The following NRXN1 variants were observed in gnomAD, a reference collection of about 807,000 sequenced individuals.
NRXN1 encodes the protein neurexin 1.
In NRXN1, 39 loss-of-function variants were observed where a neutral mutation model predicts 150.9. The ratio of observed to expected loss-of-function variants is 0.26; its 90% CI spans 0.20 to 0.34. The LOEUF is 0.34. Among genes scored for constraint, NRXN1 ranks in the 10% least tolerant of loss-of-function variants. NRXN1 has a pLI of 1.00. For synonymous variants in NRXN1, 924 were observed against 757.0 expected (o/e 1.22, Z -3.62); for missense variants, 1,815 against 1,949.9 (o/e 0.93, Z 1.30).
intron 22 of NRXN1, among the ~76,000 whole-genome samples, chr2:49,942,312 C>G (rs538327201): frequency 3.7e-4 from 57 of 152,302 alleles, no homozygotes; most frequent in Non-Finnish European, 1.3e-4. Context: ...GCTCTTCCCC[C>G]TCCCTGGCAC....
chr2:50,241,568 G>A (rs1028021582), intron 17 of NRXN1, among the ~76,000 whole-genome samples: 2 of 151,766 alleles, frequency 1.3e-5, no homozygotes, highest in African/African-American at 2.4e-5. Flanking sequence ...TTTAAGCTGT[G>A]CAGCAAGCCT....
At chr2:50,080,188 A>G (rs965147235) in intron 19 of NRXN1, among the ~76,000 whole-genome samples, 1 of 152,114 alleles carries the variant, frequency 6.6e-6, no homozygotes, top group African/African-American at 2.4e-5. Context: ...TGAGTATAGT[A>G]CAATAAGAAA....
chr2:49,958,801 AG>A (rs1675423554), intron 21 of NRXN1, among the ~76,000 whole-genome samples: 1 of 152,180 alleles, frequency 6.6e-6, no homozygotes, highest in African/African-American at 2.4e-5. Context: ...AGCTCAATCT[AG>A]CTTTTGTCTT....
At chr2:50,859,838 T>G (rs986857570) in intron 5 of NRXN1, among the ~76,000 whole-genome samples, 8 of 147,574 alleles carry the variant, frequency 5.4e-5, no homozygotes, top group Admixed American at 2.0e-4. Flanking sequence ...ACAATTATGT[T>G]TGTGTGTGTG....
chr2:50,644,012 TTTTG>T (rs981108998), intron 5 of NRXN1, among the ~76,000 whole-genome samples: 3 of 151,930 alleles, frequency 2.0e-5, no homozygotes, highest in East Asian at 1.9e-4. Context: ...TGTTGGTTTT[TTTTG>T]TTTGTTTGTT....
chr2:50,310,430 C>A (rs1269743732), intron 17 of NRXN1, among the ~76,000 whole-genome samples: 6 of 152,068 alleles, frequency 3.9e-5, no homozygotes, highest in African/African-American at 9.7e-5. Context: ...ATCCTTTGTG[C>A]CCAGGGCTGC....
chr2:50,448,824 C>T (rs1250014283), intron 17 of NRXN1, among the ~76,000 whole-genome samples: 4 of 152,092 alleles, frequency 2.6e-5, no homozygotes, highest in Admixed American at 2.6e-4. Flanking sequence ...TGAACAGAAG[C>T]ACGTGGCTCC....
chr2:50,759,129 A>T lies in NRXN1; in HGVS notation c.833-135514T>A, dbSNP rs372940425. On this transcript the variant is annotated intron_variant, in intron 5 of 22. Transcript: ENST00000401669. Reference sequence around the variant, plus strand: ...ACTAAACTGGAAAAGAATTTTAAACATTTCTTGTAATAAATAAATCACCTT... The same window carrying T: ...ACTAAACTGGAAAAGAATTTTAAACTTTTCTTGTAATAAATAAATCACCTT... Among the ~76,000 whole-genome samples, 6 of 152,100 alleles carry T rather than the reference A, an allele frequency of 3.9e-5. No individual in the cohort carries two copies. The South Asian group carries it at 8.3e-4, about 21-fold the overall frequency.
chr2:50,720,458 G>T (rs17040978), intron 5 of NRXN1, among the ~76,000 whole-genome samples: 1 of 152,024 alleles, frequency 6.6e-6, no homozygotes, highest in Admixed American at 6.6e-5. Context: ...CTTAAGGGGC[G>T]CCTCCCCAGC....
intron 2 of NRXN1, among the ~76,000 whole-genome samples, chr2:50,959,121 G>T (rs577794411): frequency 6.6e-6 from 1 of 152,006 alleles, no homozygotes; most frequent in African/African-American, 2.4e-5. Context: ...GTGAAAATGT[G>T]GAAAAATTGC....
chr2:50,203,020 A>T (rs866944089), intron 18 of NRXN1, among the ~76,000 whole-genome samples: 1 of 152,144 alleles, frequency 6.6e-6, no homozygotes, highest in Non-Finnish European at 1.5e-5. Flanking sequence ...GGCAGCCTGG[A>T]AAACGGTAAA....
chr2:50,983,487 T>C (rs17041157), intron 2 of NRXN1, among the ~76,000 whole-genome samples: 2,860 of 152,168 alleles, frequency 0.019, 91 homozygotes, highest in African/African-American at 0.066. Flanking sequence ...CTTAGTCTTT[T>C]CTTACTATAA....
intron 17 of NRXN1, among the ~76,000 whole-genome samples, chr2:50,399,430 TCTC>T (rs927929388): frequency 4.6e-5 from 7 of 152,094 alleles, no homozygotes; most frequent in Non-Finnish European, 1.0e-4. Context: ...TTATTTTTCT[TCTC>T]GGTTTTTCCC....
chr2:50,967,073 T>C (rs940355912), intron 2 of NRXN1, among the ~76,000 whole-genome samples: 1 of 151,958 alleles, frequency 6.6e-6, no homozygotes, highest in African/African-American at 2.4e-5. Context: ...ATAATAAAAG[T>C]TGTTTTAAGT....
At chr2:50,503,602 G>T (rs991412298) in intron 13 of NRXN1, among the ~76,000 whole-genome samples, 1 of 151,764 alleles carries the variant, frequency 6.6e-6, no homozygotes, top group South Asian at 2.1e-4. Flanking sequence ...GGAGAGAGAA[G>T]GAAGAGCCCT....
intron 5 of NRXN1, among the ~76,000 whole-genome samples, chr2:50,706,813 T>G (rs1243059857): frequency 6.7e-6 from 1 of 150,018 alleles, no homozygotes. Context: ...TATTTGGATT[T>G]TTTTTTTTTT....
chr2:50,297,573 C>T (rs1055569255), intron 17 of NRXN1, among the ~76,000 whole-genome samples: 3 of 152,134 alleles, frequency 2.0e-5, no homozygotes, highest in Non-Finnish European at 4.4e-5. Context: ...TTCAGCTCTG[C>T]CCTATTTCAA....
intron 5 of NRXN1, among the ~76,000 whole-genome samples, chr2:50,904,015 C>G (rs1210594502): frequency 6.6e-6 from 1 of 152,134 alleles, no homozygotes; most frequent in Non-Finnish European, 1.5e-5. Context: ...AAGACTATGT[C>G]TCTGCTGGAA....
chr2:51,007,641 TAGAC>T (rs1400022834), intron 2 of NRXN1, among the ~76,000 whole-genome samples: 10 of 151,858 alleles, frequency 6.6e-5, no homozygotes, highest in East Asian at 1.9e-4. Context: ...ATAAAAGAGT[TAGAC>T]AGGTTAAATA....
Sources: allele counts gnomAD v4.1 joint callset (sites outside exome capture counted in the v4.1 genomes callset), GRCh38; gene constraint gnomAD v4.1.1; transcripts MANE v1.5; gene names NCBI Gene and HGNC (gene_info 2026-07-23, HGNC 2026-07-21).